The following TRABD2B variants were observed in gnomAD, a reference collection of about 807,000 sequenced individuals.
TRABD2B encodes metalloprotease TIKI2.
A neutral mutation model predicts 40.1 loss-of-function variants in TRABD2B; 14 were observed. That is an observed-to-expected ratio of 0.35 (90% CI 0.23 to 0.55). TRABD2B has a LOEUF of 0.55. TRABD2B is among the 20% of genes least tolerant of loss of function. The pLI, the probability that TRABD2B is intolerant of heterozygous loss-of-function variation, is 0.90. For missense variants in TRABD2B, 541 were observed against 648.6 expected (o/e 0.83, Z 1.80); for synonymous variants, 263 against 277.0 (o/e 0.95, Z 0.50).
rs567044820 is a variant in TRABD2B at position 47,967,425 on chromosome 1, G to A, written c.666+26609C>T. 6.6e-5 allele frequency among the ~76,000 whole-genome samples: 10 copies of A among 151,810 alleles called. No individual in the cohort carries two copies. In the South Asian group the frequency reaches 2.1e-3, roughly 32 times the overall value. On this transcript the variant is annotated intron_variant, in intron 2 of 6. Transcript: ENST00000606738. Reference sequence around the variant, plus strand: ...ACTATCTAGCAACTTCCCGTATCCAGAACATATGTTAAAACAACAAAATTA... The same window carrying A: ...ACTATCTAGCAACTTCCCGTATCCAAAACATATGTTAAAACAACAAAATTA...
At chr1:47,782,575 T>C (rs909869313) in intron 4 of TRABD2B, among the ~76,000 whole-genome samples, 1 of 152,198 alleles carries the variant, frequency 6.6e-6, no homozygotes, top group Non-Finnish European at 1.5e-5. Context: ...TGTTACTCCA[T>C]ATCCTTTCCA....
chr1:47,812,797 C>T lies in TRABD2B; in HGVS notation c.667-11178G>A, dbSNP rs549587912. On this transcript the variant is annotated intron_variant, in intron 2 of 6. Transcript: ENST00000606738. ...TAGAGGAGCATGGTGTGTTTAAAGA[C>T]GAGCCAGCAGTCAGGGCTGGAAGAC... 3.3e-4 allele frequency among the ~76,000 whole-genome samples: 51 copies of T among 152,258 alleles called. No individual in the cohort carries two copies. In the South Asian group the frequency reaches 3.5e-3, roughly 11 times the overall value.
At chr1:47,772,878 T>C (rs1644394921) in intron 6 of TRABD2B, among the ~76,000 whole-genome samples, 1 of 152,098 alleles carries the variant, frequency 6.6e-6, no homozygotes, top group Non-Finnish European at 1.5e-5. Flanking sequence ...GAAACTTTCT[T>C]CTCCAACCCA....
At chr1:47,832,505 T>C (rs1645264505) in intron 2 of TRABD2B, among the ~76,000 whole-genome samples, 1 of 152,154 alleles carries the variant, frequency 6.6e-6, no homozygotes, top group African/African-American at 2.4e-5. Flanking sequence ...TTAGCAAATA[T>C]TTGTTAGTGG....
At chr1:47,928,898 T>C (rs911443501) in intron 2 of TRABD2B, among the ~76,000 whole-genome samples, 22 of 152,258 alleles carry the variant, frequency 1.4e-4, no homozygotes, top group African/African-American at 4.8e-4. Context: ...CTAGATCCCC[T>C]GTTGGAATTG....
chr1:47,970,935 A>G (rs953738212), intron 2 of TRABD2B, among the ~76,000 whole-genome samples: 1 of 152,214 alleles, frequency 6.6e-6, no homozygotes, highest in Non-Finnish European at 1.5e-5. Context: ...CCCAAAGTCA[A>G]GAAGCAAGAA....
chr1:47,772,960 G>A (rs1232834794), intron 6 of TRABD2B, among the ~76,000 whole-genome samples: 1 of 152,240 alleles, frequency 6.6e-6, no homozygotes, highest in African/African-American at 2.4e-5. Flanking sequence ...TCTTGCCAAA[G>A]AAAAGCTGTT....
chr1:47,939,067 G>A (rs1005581744), intron 2 of TRABD2B, among the ~76,000 whole-genome samples: 1 of 152,110 alleles, frequency 6.6e-6, no homozygotes, highest in Non-Finnish European at 1.5e-5. Flanking sequence ...CTGGGATAAC[G>A]GTGATGAGGA....
Position 47,993,980 on chromosome 1 carries a change from G to C in TRABD2B, c.666+54C>G, listed in dbSNP as rs544814451. ...TCGGAGAAGAAAGACAATCAGAGAA[G>C]AGGACCCAGGTACCCAGGGCTGTCA... On this transcript the variant is annotated intron_variant, in intron 2 of 6. Coordinates refer to ENST00000606738, the MANE Select transcript of TRABD2B (RefSeq NM_001194986.2). The C allele has an allele frequency of 2.8e-4, 410 of 1,464,436 alleles. 7 individuals are homozygous for C. In the South Asian group the frequency reaches 4.7e-3, roughly 17 times the overall value. The allele number at this position is 1,464,436 out of a possible 1,614,324, so 90.7% of individuals were successfully genotyped here.
At chr1:47,851,489 G>A (rs978806707) in intron 2 of TRABD2B, among the ~76,000 whole-genome samples, 6 of 152,172 alleles carry the variant, frequency 3.9e-5, no homozygotes, top group African/African-American at 1.4e-4. Context: ...GAGGAAGGGA[G>A]GGAGAGAGGG....
intron 2 of TRABD2B, among the ~76,000 whole-genome samples, chr1:47,864,839 C>T (rs796945025): frequency 6.6e-6 from 1 of 152,128 alleles, no homozygotes; most frequent in African/African-American, 2.4e-5. Flanking sequence ...TCTCTCTGTG[C>T]GTTGGGTGGA....
intron 2 of TRABD2B, among the ~76,000 whole-genome samples, chr1:47,925,341 A>C (rs1297104266): frequency 6.6e-6 from 1 of 152,270 alleles, no homozygotes; most frequent in Non-Finnish European, 1.5e-5. Context: ...AATTGAAAAA[A>C]GAAAGCAAAG....
intron 2 of TRABD2B, among the ~76,000 whole-genome samples, chr1:47,857,974 G>C (rs917480787): frequency 7.1e-6 from 1 of 141,330 alleles, no homozygotes; most frequent in African/African-American, 2.7e-5. Context: ...AATATTTTGA[G>C]AGAGATAGAT....
At chr1:47,954,725 T>C (rs1053129929) in intron 2 of TRABD2B, among the ~76,000 whole-genome samples, 3 of 152,166 alleles carry the variant, frequency 2.0e-5, no homozygotes, top group East Asian at 1.9e-4. Flanking sequence ...CTGGACGAAG[T>C]TGCAGAAGCT....
intron 2 of TRABD2B, among the ~76,000 whole-genome samples, chr1:47,803,856 T>C (rs898334691): frequency 2.6e-5 from 4 of 152,208 alleles, no homozygotes; most frequent in Non-Finnish European, 4.4e-5. Flanking sequence ...AGGCTGCTCA[T>C]TGAGTCCTTA....
At chr1:47,931,698 G>T (rs148424821) in intron 2 of TRABD2B, among the ~76,000 whole-genome samples, 107 of 152,250 alleles carry the variant, frequency 7.0e-4, no homozygotes, top group African/African-American at 2.4e-3. Context: ...CATCACACCA[G>T]CCCAGTTGCC....
chr1:47,908,024 C>T (rs1347261602), intron 2 of TRABD2B, among the ~76,000 whole-genome samples: 1 of 152,160 alleles, frequency 6.6e-6, no homozygotes, highest in Non-Finnish European at 1.5e-5. Flanking sequence ...GAGAAGTGTT[C>T]TCTCCCATGA....
chr1:47,886,453 A>G (rs1055914153), intron 2 of TRABD2B, among the ~76,000 whole-genome samples: 3 of 152,116 alleles, frequency 2.0e-5, no homozygotes, highest in Non-Finnish European at 4.4e-5. Flanking sequence ...ATTTCTATCA[A>G]ATGGTTGATA....
At chr1:47,961,437 C>T (rs1022908239) in intron 2 of TRABD2B, among the ~76,000 whole-genome samples, 18 of 152,196 alleles carry the variant, frequency 1.2e-4, no homozygotes, top group East Asian at 9.6e-4. Context: ...CCTACAGAAT[C>T]GGAGAAAATT....
Sources: gnomAD v4.1 joint callset for allele counts (sites outside exome capture counted in the v4.1 genomes callset) on GRCh38, gnomAD v4.1.1 for gene constraint, MANE v1.5 for transcripts, NCBI Gene and HGNC (gene_info 2026-07-23, HGNC 2026-07-21) for gene names.